Variants in SUCLG2 observed in about 807,000 individuals in gnomAD.
SUCLG2 encodes succinate-CoA ligase GDP-forming subunit beta.
A neutral mutation model predicts 47.9 loss-of-function variants in SUCLG2; 42 were observed. The observed-to-expected ratio is 0.88, with a 90% CI of 0.69 to 1.14. The LOEUF is 1.14. Among genes scored for constraint, SUCLG2 ranks in the 50% most tolerant of loss-of-function variants. The pLI is 0.00. For missense variants in SUCLG2, 571 were observed against 525.9 expected (o/e 1.09, Z -0.84); for synonymous variants, 195 against 197.3 (o/e 0.99, Z 0.10).
In SUCLG2 at chr3:67,616,129, T is replaced by C. The variant is rs1700624153; in HGVS notation, c.85-6533A>G. 3.9e-5 allele frequency among the ~76,000 whole-genome samples: 6 copies of C among 152,108 alleles called. No homozygotes were observed. The South Asian group carries it at 1.0e-3, about 26-fold the overall frequency. ...AGGACCTGGAAGCCACATGTGGAGA[T>C]GGTGGAATCACAGGTGAGATTAGGC... On this transcript the variant is annotated intron_variant, in intron 1 of 10. Coordinates refer to ENST00000307227, the MANE Select transcript of SUCLG2 (RefSeq NM_003848.4).
At chr3:67,444,158 G>GT (rs1703859467) in intron 9 of SUCLG2, among the ~76,000 whole-genome samples, 1 of 6,980 alleles carries the variant, frequency 1.4e-4, no homozygotes, top group Non-Finnish European at 3.5e-4. Flanking sequence ...GGAGGGAGGT[G>GT]GGGGAGTCAG....
intron 9 of SUCLG2, among the ~76,000 whole-genome samples, chr3:67,419,437 G>C (rs1415611553): frequency 6.6e-6 from 1 of 152,128 alleles, no homozygotes; most frequent in Non-Finnish European, 1.5e-5. Flanking sequence ...CTCTGGCTCT[G>C]AGAAATGTAA....
At position 67,574,923 on chromosome 3, in the gene SUCLG2, GATGA is replaced by G. The variant is rs1482458415; in HGVS notation, c.226+34528_226+34531del. On this transcript the variant is annotated intron_variant, in intron 2 of 10. Transcript: ENST00000307227. Reference sequence around the variant, plus strand: ...GCCAGATAATTTACCAAAGAATTTAGATGAATGGTCAGTAAGTTCATGAAAAGAT... The same window carrying G: ...GCCAGATAATTTACCAAAGAATTTAGATGGTCAGTAAGTTCATGAAAAGAT... Among the ~76,000 whole-genome samples the G allele has an allele frequency of 9.9e-5, 15 of 152,278 alleles. 1 individual carries two copies. In the South Asian group the frequency reaches 1.0e-3, roughly 11 times the overall value.
At chr3:67,394,366 T>C (rs201461694) in intron 10 of SUCLG2, among the ~76,000 whole-genome samples, 1 of 147,854 alleles carries the variant, frequency 6.8e-6, no homozygotes, top group Non-Finnish European at 1.5e-5. Flanking sequence ...CGAGAACTAC[T>C]TGAAGAATGC....
intron 9 of SUCLG2, chr3:67,408,754 C>T (rs1702871088): frequency 7.5e-7 from 1 of 1,329,138 alleles, no homozygotes; most frequent in Non-Finnish European, 9.6e-7. Context: ...GTTAATTTTC[C>T]TAGGTGCTAA....
chr3:67,400,026 TAACA>T (rs150323484), intron 10 of SUCLG2, among the ~76,000 whole-genome samples: 3 of 151,730 alleles, frequency 2.0e-5, no homozygotes, highest in African/African-American at 7.3e-5. Flanking sequence ...ACAAACAAAC[TAACA>T]AACAAACAAA....
At chr3:67,530,050 T>C (rs1023235441) in intron 2 of SUCLG2, among the ~76,000 whole-genome samples, 2 of 152,184 alleles carry the variant, frequency 1.3e-5, no homozygotes, top group Non-Finnish European at 2.9e-5. Context: ...AGCACACAAC[T>C]GCAGACCACA....
At chr3:67,562,938 A>G (rs1367657023) in intron 2 of SUCLG2, among the ~76,000 whole-genome samples, 1 of 151,894 alleles carries the variant, frequency 6.6e-6, no homozygotes, top group East Asian at 1.9e-4. Context: ...TTAATACCGT[A>G]ATTTCTAAAA....
chr3:67,621,532 A>C (rs1209368280), intron 1 of SUCLG2, among the ~76,000 whole-genome samples: 1 of 152,208 alleles, frequency 6.6e-6, no homozygotes, highest in African/African-American at 2.4e-5. Context: ...CCAATGTGGC[A>C]GTATTGAGAG....
intron 1 of SUCLG2, among the ~76,000 whole-genome samples, chr3:67,617,800 T>C (rs1268658552): frequency 6.6e-6 from 1 of 152,098 alleles, no homozygotes; most frequent in African/African-American, 2.4e-5. Flanking sequence ...AGTTAATATA[T>C]GCAAATAAAC....
At chr3:67,369,136 C>T (rs1224771292) in intron 10 of SUCLG2, among the ~76,000 whole-genome samples, 4 of 151,992 alleles carry the variant, frequency 2.6e-5, no homozygotes, top group African/African-American at 7.2e-5. Flanking sequence ...ATTTTCTTAC[C>T]TCCCTTTTCT....
chr3:67,547,878 T>C (rs1329803277), intron 2 of SUCLG2, among the ~76,000 whole-genome samples: 1 of 152,064 alleles, frequency 6.6e-6, no homozygotes, highest in Non-Finnish European at 1.5e-5. Context: ...GAAGCCACTC[T>C]CCAGTTTTGC....
At chr3:67,377,093 C>T (rs977240466) in intron 10 of SUCLG2, among the ~76,000 whole-genome samples, 1 of 152,196 alleles carries the variant, frequency 6.6e-6, no homozygotes, top group African/African-American at 2.4e-5. Flanking sequence ...TTATACACAG[C>T]ATATGAAATC....
At chr3:67,476,943 T>C (rs1479089447) in intron 9 of SUCLG2, among the ~76,000 whole-genome samples, 3 of 152,186 alleles carry the variant, frequency 2.0e-5, no homozygotes, top group African/African-American at 7.2e-5. Context: ...TCTGGTCTTG[T>C]GGAGACGCCA....
chr3:67,386,376 A>G (rs563857966), intron 10 of SUCLG2, among the ~76,000 whole-genome samples: 9 of 152,214 alleles, frequency 5.9e-5, no homozygotes, highest in African/African-American at 2.2e-4. Context: ...TAACTATCCA[A>G]AAGTCTTGTA....
chr3:67,464,951 G>A (rs1028509046), intron 9 of SUCLG2, among the ~76,000 whole-genome samples: 3 of 152,182 alleles, frequency 2.0e-5, no homozygotes, highest in Non-Finnish European at 4.4e-5. Context: ...GAGCTGCCAG[G>A]ACGAATCGGA....
At chr3:67,604,411 T>G (rs1056933494) in intron 2 of SUCLG2, among the ~76,000 whole-genome samples, 2 of 152,198 alleles carry the variant, frequency 1.3e-5, no homozygotes, top group Admixed American at 1.3e-4. Context: ...AAAAATATCA[T>G]CATCAAGTTA....
At position 67,650,465 on chromosome 3, in the gene SUCLG2, T is replaced by C. The variant is rs1701266680; in HGVS notation, c.84+4038A>G. The stretch of plus-strand genomic sequence containing the variant: ...AAAACATACAACAAGGATTCTAAAA[T>C]AGGAGGCCTGGCCAGGCACAGTGGC... On this transcript the variant is annotated intron_variant, in intron 1 of 10. Coordinates refer to ENST00000307227, the MANE Select transcript of SUCLG2 (RefSeq NM_003848.4). 2.6e-5 allele frequency among the ~76,000 whole-genome samples: 4 copies of C among 152,170 alleles called. No individual in the cohort carries two copies. In the South Asian group the frequency reaches 6.2e-4, roughly 24 times the overall value.
At chr3:67,440,793 G>C (rs1247830519) in intron 9 of SUCLG2, among the ~76,000 whole-genome samples, 1 of 152,248 alleles carries the variant, frequency 6.6e-6, no homozygotes, top group Non-Finnish European at 1.5e-5. Flanking sequence ...GTGTAAATTA[G>C]TTCAACCATT....
Sources: allele counts gnomAD v4.1 joint callset (sites outside exome capture counted in the v4.1 genomes callset), GRCh38; gene constraint gnomAD v4.1.1; transcripts MANE v1.5; gene names NCBI Gene and HGNC (gene_info 2026-07-23, HGNC 2026-07-21).